GLIS1: variants seen among roughly 807,000 people sequenced by gnomAD.
GLIS1 encodes the protein GLIS family zinc finger 1.
A neutral mutation model predicts 63.8 loss-of-function variants in GLIS1; 24 were observed. The observed-to-expected ratio is 0.38, with a 90% CI of 0.27 to 0.53. The LOEUF (loss-of-function observed/expected upper bound fraction) is 0.53, where lower values mean the gene tolerates loss of function less well. Among genes scored for constraint, GLIS1 ranks in the 20% least tolerant of loss-of-function variants. The pLI, the probability that GLIS1 is intolerant of heterozygous loss-of-function variation, is 0.85. For missense variants in GLIS1, 1,036 were observed against 1,074.1 expected (o/e 0.96, Z 0.50); for synonymous variants, 450 against 482.5 (o/e 0.93, Z 0.88).
rs893452738 is a variant in GLIS1, at chr1:53,509,759, C to T, written c.2062+90G>A. ...CCGGTCATTCTCTGAGTACCTGCCT[C>T]CCCCACTAGGTCACTGTCTCCTCGT... On this transcript the variant is annotated intron_variant, in intron 9 of 10. Transcript: ENST00000628545. 14 of 777,814 alleles carry T rather than the reference C, an allele frequency of 1.8e-5. No homozygotes were observed. The Admixed American group carries it at 5.6e-4, about 31-fold the overall frequency. The allele number at this position is 777,814 out of a possible 1,614,324, so 48.2% of individuals were successfully genotyped here. A position where few individuals can be genotyped will look rare whatever the true frequency, so the allele number is the denominator to read the frequency against.
At chr1:53,640,167 G>A (rs1408895254) in intron 2 of GLIS1, among the ~76,000 whole-genome samples, 2 of 152,156 alleles carry the variant, frequency 1.3e-5, no homozygotes, top group Non-Finnish European at 2.9e-5. Context: ...AGTCAGAGGT[G>A]GGGTACCATG....
chr1:53,728,513 C>T (rs1208766937), intron 2 of GLIS1, among the ~76,000 whole-genome samples: 1 of 152,086 alleles, frequency 6.6e-6, no homozygotes, highest in Non-Finnish European at 1.5e-5. Flanking sequence ...CCAAGGTCCC[C>T]AAGTTAGTAC....
chr1:53,594,885 T>A lies in GLIS1; in HGVS notation c.543A>T (p.Thr181=), dbSNP rs907757065. The A allele has an allele frequency of 1.3e-6, 2 of 1,549,120 alleles. No homozygotes were observed. The highest frequency in any genetic ancestry group is 1.4e-5 in the African/African-American group (1 of 73,100). The change falls in exon 4 of 11, where the codon ACA becomes ACT. Residue 181 remains threonine (T), a synonymous_variant. Coordinates refer to ENST00000628545, the MANE Select transcript of GLIS1 (RefSeq NM_001367484.1). ...PDYQAMAEAR[T]SLSAHCRGPL... is the part of the protein sequence containing the mutation. ...GGCCCCGACAGTGGGCAGACAGGGA[T>A]GTGCGGGCCTCTGCCATGGCTTGGT...
intron 2 of GLIS1, among the ~76,000 whole-genome samples, chr1:53,605,996 C>G (rs570780791): frequency 1.6e-4 from 25 of 152,336 alleles, no homozygotes; most frequent in African/African-American, 4.8e-4. Flanking sequence ...TGAAGTCCTG[C>G]TCCACCATTA....
At chr1:53,711,929 C>T (rs1211431082) in intron 2 of GLIS1, among the ~76,000 whole-genome samples, 1 of 152,188 alleles carries the variant, frequency 6.6e-6, no homozygotes, top group Non-Finnish European at 1.5e-5. Flanking sequence ...CCCTACAGGC[C>T]TTCGCTAGCA....
chr1:53,714,622 C>T (rs980409256), intron 2 of GLIS1, among the ~76,000 whole-genome samples: 1 of 152,258 alleles, frequency 6.6e-6, no homozygotes. Flanking sequence ...CTGGGGCTCA[C>T]ATGAGATTAA....
At chr1:53,550,995 C>T (rs943432190) in intron 4 of GLIS1, among the ~76,000 whole-genome samples, 4 of 152,082 alleles carry the variant, frequency 2.6e-5, no homozygotes, top group African/African-American at 4.8e-5. Context: ...GGATTACAGG[C>T]GCCCGCCAAC....
intron 2 of GLIS1, among the ~76,000 whole-genome samples, chr1:53,700,982 T>G (rs934983473): frequency 6.6e-6 from 1 of 152,244 alleles, no homozygotes; most frequent in African/African-American, 2.4e-5. Flanking sequence ...TAATATTCCA[T>G]TGCACAGATA....
chr1:53,558,154 A>G (rs1398614925), intron 4 of GLIS1, among the ~76,000 whole-genome samples: 2 of 152,238 alleles, frequency 1.3e-5, no homozygotes, highest in Non-Finnish European at 2.9e-5. Context: ...AATGTGACCA[A>G]GAGCCTGCCC....
intron 4 of GLIS1, among the ~76,000 whole-genome samples, chr1:53,550,290 C>G (rs1323074998): frequency 6.6e-6 from 1 of 152,150 alleles, no homozygotes; most frequent in African/African-American, 2.4e-5. Context: ...GCAGCTCAGC[C>G]CCCATTAACA....
At position 53,629,130 on chromosome 1, in the gene GLIS1, G is replaced by A. The variant is rs1226495240; in HGVS notation, c.260-28852C>T. ...CACACACACACCACACAGTCATACA[G>A]CCCAGGCTCTCCAGCTATCTACCCT... On this transcript the variant is annotated intron_variant, in intron 2 of 10. Transcript: ENST00000628545. Among the ~76,000 whole-genome samples, 5 of 152,010 alleles carry A rather than the reference G, an allele frequency of 3.3e-5. 1 individual carries two copies. The South Asian group carries it at 1.0e-3, about 32-fold the overall frequency.
intron 2 of GLIS1, among the ~76,000 whole-genome samples, chr1:53,625,866 G>C (rs995468848): frequency 1.3e-5 from 2 of 152,210 alleles, no homozygotes. Context: ...CCAGCACAGG[G>C]GCGCAGGTGG....
chr1:53,673,156 A>T (rs541101311), intron 2 of GLIS1, among the ~76,000 whole-genome samples: 24 of 152,202 alleles, frequency 1.6e-4, no homozygotes, highest in African/African-American at 5.8e-4. Context: ...CCGAGCCCAC[A>T]CTCAGTTTAG....
chr1:53,581,316 C>T (rs977786079), intron 4 of GLIS1, among the ~76,000 whole-genome samples: 5 of 152,146 alleles, frequency 3.3e-5, no homozygotes, highest in South Asian at 2.1e-4. Context: ...GCCCTCAACA[C>T]GACCCTGTGA....
At chr1:53,569,605 T>C (rs537100400) in intron 4 of GLIS1, among the ~76,000 whole-genome samples, 63 of 152,280 alleles carry the variant, frequency 4.1e-4, no homozygotes, top group Non-Finnish European at 6.8e-4. Context: ...TCTACTATCA[T>C]TATTTCTGAA....
At chr1:53,607,233 T>C (rs1025831862) in intron 2 of GLIS1, among the ~76,000 whole-genome samples, 1 of 152,210 alleles carries the variant, frequency 6.6e-6, no homozygotes, top group Non-Finnish European at 1.5e-5. Flanking sequence ...TCTATATACA[T>C]TTTTTGACAA....
intron 1 of GLIS1, 96 bp from the exon 2 acceptor site, chr1:53,738,202 G>T (rs1646932242): frequency 2.9e-6 from 2 of 683,822 alleles, no homozygotes; most frequent in East Asian, 6.9e-5. Flanking sequence ...CCCTTCGGTG[G>T]ATTGCGCGTC....
intron 2 of GLIS1, among the ~76,000 whole-genome samples, chr1:53,610,404 A>G (rs1645413449): frequency 6.6e-6 from 1 of 152,188 alleles, no homozygotes; most frequent in African/African-American, 2.4e-5. Flanking sequence ...TTGTTTGAAA[A>G]TGTTATTATT....
chr1:53,580,425 G>T (rs1229150422), intron 4 of GLIS1, among the ~76,000 whole-genome samples: 2 of 152,158 alleles, frequency 1.3e-5, no homozygotes, highest in African/African-American at 2.4e-5. Flanking sequence ...CTCCCCAGAG[G>T]TTTTGTGCAG....
Sources: gnomAD v4.1 joint callset for allele counts (sites outside exome capture counted in the v4.1 genomes callset) on GRCh38, gnomAD v4.1.1 for gene constraint, MANE v1.5 for transcripts, NCBI Gene and HGNC (gene_info 2026-07-23, HGNC 2026-07-21) for gene names.